The following FBXO21 variants were observed in gnomAD, a reference collection of about 807,000 sequenced individuals.
The protein encoded by FBXO21 is F-box protein 21, also known as F-box only protein 21.
A neutral mutation model predicts 76.6 loss-of-function variants in FBXO21; 32 were observed. The ratio of observed to expected loss-of-function variants is 0.42; its 90% CI spans 0.32 to 0.56. The LOEUF (loss-of-function observed/expected upper bound fraction) is 0.56. FBXO21 is among the 20% of genes least tolerant of loss of function. The pLI, the probability that FBXO21 is intolerant of heterozygous loss-of-function variation, is 0.16. For synonymous variants in FBXO21, 328 were observed against 311.5 expected, an observed-to-expected ratio of 1.05 and a Z score of -0.56; for missense variants, 586 against 797.3, an observed-to-expected ratio of 0.73 and a Z score of 3.19.
intron 7 of FBXO21, 32 bp downstream of exon 7, chr12:117,172,438 CA>C: frequency 6.2e-7 from 1 of 1,600,236 alleles, no homozygotes; most frequent in Non-Finnish European, 8.5e-7. Context: ...ACCAAATCTT[CA>C]GGACCACAGA....
rs752431409 is a variant in FBXO21, at chr12:117,190,250, G to A, written c.207C>T (p.Ser69=). Residue 69 remains serine (S), a synonymous_variant, in exon 1 of 12, where the codon AGC becomes AGT. Coordinates refer to ENST00000622495, the MANE Select transcript of FBXO21 (RefSeq NM_015002.3). ...GGAACTGCTCCTTCCACACCTTCCC[G>A]CTGCTCTGGCACAGCTCGCGCAGCC... ...CRRLRELCQS[S]GKVWKEQFRV... The A allele has an allele frequency of 3.2e-6, 5 of 1,541,962 alleles. No homozygotes were observed. Among genetic ancestry groups the A allele is most frequent in the Non-Finnish European group, 2.6e-6 (3 of 1,154,394 alleles).
Position 117,142,735 on chromosome 12 carries a change from T to C in FBXO21, c.*3352A>G, listed in dbSNP as rs143937326. 1.3e-5 allele frequency: 2 copies of C among 148,806 alleles called. No individual in the cohort carries two copies. The highest frequency in any genetic ancestry group is 5.0e-5 in the African/African-American group (2 of 40,324). 9.2% of individuals were successfully genotyped at this position (148,806 alleles called of 1,614,324 possible). A position where few individuals can be genotyped will look rare whatever the true frequency, so the allele number is the denominator to read the frequency against. Reference sequence around the variant, plus strand: ...ACGAAGAGCTGCATCTTGATCATCATGGACAGATACTTTTCAGTTAAAAAG... The same window carrying C: ...ACGAAGAGCTGCATCTTGATCATCACGGACAGATACTTTTCAGTTAAAAAG... On this transcript the variant is annotated 3_prime_UTR_variant, in exon 12 of 12. Transcript: ENST00000622495.
At chr12:117,189,022 A>G in intron 2 of FBXO21, 1 of 615,044 alleles carries the variant, frequency 1.6e-6, no homozygotes, top group Non-Finnish European at 2.8e-6. Context: ...TGGCTTTAGA[A>G]AAGTAAAGCT....
rs1955735060 is a variant in FBXO21 at position 117,143,340 on chromosome 12, A to G, written c.*2747T>C. The G allele has an allele frequency of 6.6e-6, 1 of 152,158 alleles. No homozygotes were observed. Among genetic ancestry groups the G allele is most frequent in the Non-Finnish European group, 1.5e-5 (1 of 68,044 alleles). The allele number at this position is 152,158 out of a possible 1,614,324, so 9.4% of individuals were successfully genotyped here. On this transcript the variant is annotated 3_prime_UTR_variant, in exon 12 of 12. Coordinates refer to ENST00000622495, the MANE Select transcript of FBXO21 (RefSeq NM_015002.3). The stretch of plus-strand genomic sequence containing the variant: ...ATTGAGAAACACCACCATAGAGTCA[A>G]TTGACTTTGTTTAACCTATAACCTT...
At chr12:117,189,195 C>T (rs1469731034) in intron 2 of FBXO21, 32 bp downstream of exon 2, 1 of 1,614,018 alleles carries the variant, frequency 6.2e-7, no homozygotes, top group East Asian at 2.2e-5. Flanking sequence ...ACCAGCAAGC[C>T]AAAGCTTAGA....
intron 11 of FBXO21, among the ~76,000 whole-genome samples, chr12:117,149,251 T>C (rs149498330): frequency 1.3e-5 from 2 of 152,288 alleles, no homozygotes; most frequent in East Asian, 3.9e-4. Context: ...CCTCCTGTCT[T>C]GGCCTCCCAA....
chr12:117,180,280 G>A (rs1956215028), intron 3 of FBXO21, among the ~76,000 whole-genome samples: 1 of 152,292 alleles, frequency 6.6e-6, no homozygotes, highest in Non-Finnish European at 1.5e-5. Flanking sequence ...AATTCCACTA[G>A]GTTGGTTATT....
intron 1 of FBXO21, among the ~76,000 whole-genome samples, chr12:117,189,897 G>A (rs972710528): frequency 4.6e-5 from 7 of 152,180 alleles, no homozygotes; most frequent in African/African-American, 1.7e-4. Flanking sequence ...TGCATCACTG[G>A]GTCCATGTAA....
At chr12:117,174,956 G>T (rs1209461609) in intron 4 of FBXO21, among the ~76,000 whole-genome samples, 159 bp from the exon 5 acceptor site, 1 of 151,590 alleles carries the variant, frequency 6.6e-6, no homozygotes, top group Non-Finnish European at 1.5e-5. Flanking sequence ...ACACTGAGAA[G>T]GAGCAACAAA....
intron 5 of FBXO21, 134 bp downstream of exon 5, chr12:117,174,517 C>T: frequency 8.2e-7 from 1 of 1,224,470 alleles, no homozygotes; most frequent in Admixed American, 2.2e-5. Flanking sequence ...ACACTTCAAC[C>T]AGGTAAACAC....
At chr12:117,147,722 C>T (rs960851798) in intron 11 of FBXO21, among the ~76,000 whole-genome samples, 20 of 152,142 alleles carry the variant, frequency 1.3e-4, no homozygotes, top group Non-Finnish European at 1.9e-4. Flanking sequence ...GTGCTTTGTG[C>T]GCCCTTCTTT....
At chr12:117,165,059 T>C (rs1956036381) in intron 9 of FBXO21, among the ~76,000 whole-genome samples, 1 of 151,970 alleles carries the variant, frequency 6.6e-6, no homozygotes, top group Non-Finnish European at 1.5e-5. Flanking sequence ...GTCCAGTGGC[T>C]GGACTTGAAC....
chr12:117,158,722 A>T (rs145874970), intron 9 of FBXO21, among the ~76,000 whole-genome samples: 1 of 152,310 alleles, frequency 6.6e-6, no homozygotes, highest in African/African-American at 2.4e-5. Flanking sequence ...TTAACTCATC[A>T]TGGTATTTGG....
intron 8 of FBXO21, 140 bp downstream of exon 8, chr12:117,166,758 T>C: frequency 1.6e-6 from 1 of 632,564 alleles, no homozygotes; most frequent in African/African-American, 1.8e-5. Context: ...CTGAAGAATG[T>C]TTCCAGTACT....
chr12:117,152,989 C>T (rs1461985691), intron 11 of FBXO21, among the ~76,000 whole-genome samples: 2 of 152,048 alleles, frequency 1.3e-5, no homozygotes, highest in African/African-American at 4.8e-5. Context: ...GCGTGGGAAC[C>T]GTGCTGGGGC....
In FBXO21 at chr12:117,184,481, C is replaced by T. The variant is rs529593919; in HGVS notation, c.470+1996G>A. Reference sequence around the variant, plus strand: ...ATAGGAAAATTATGTAGGCTAGGCACGGTGGCTCACGCCCATAATCTCAGC... The same window carrying T: ...ATAGGAAAATTATGTAGGCTAGGCATGGTGGCTCACGCCCATAATCTCAGC... On this transcript the variant is annotated intron_variant, in intron 3 of 11. Transcript: ENST00000622495. Among the ~76,000 whole-genome samples, 24 of 152,290 alleles carry T rather than the reference C, an allele frequency of 1.6e-4. 2 individuals are homozygous for T. The highest frequency in any genetic ancestry group is 5.5e-4 in the African/African-American group (23 of 41,562).
rs149368647 is a variant in FBXO21, at chr12:117,167,076, C to T, written c.1015G>A (p.Ala339Thr). 8.7e-6 allele frequency: 14 copies of T among 1,613,294 alleles called. No homozygotes were observed. Among genetic ancestry groups the T allele is most frequent in the Non-Finnish European group, 1.2e-5 (14 of 1,179,820 alleles). Reference sequence around the variant, plus strand: ...ATGTAGTCAAAGATGTCCAGGGTCGCCCTATCCAAAGAGCCAAATATCAGA... The same window carrying T: ...ATGTAGTCAAAGATGTCCAGGGTCGTCCTATCCAAAGAGCCAAATATCAGA... ...LLRWCQGAEG[A>T]TLDIFDYIYI... The change falls in exon 8 of 12, where the codon GCG becomes ACG. Residue 339 changes from alanine (A) to threonine (T), a missense_variant and splice_region_variant. Around this residue, in one of 6 missense-constraint regions of FBXO21, gnomAD observed 246 missense variants for 356.8 expected, o/e 0.69. Transcript: ENST00000622495.
chr12:117,157,824 C>T (rs751494674), intron 10 of FBXO21, 49 bp downstream of exon 10: 17 of 1,503,262 alleles, frequency 1.1e-5, no homozygotes, highest in Non-Finnish European at 1.4e-5. Flanking sequence ...TGTGTCTCTG[C>T]AGCCCCTCTG....
rs1592902996 is a variant in FBXO21 at position 117,190,397 on chromosome 12, G to T, written c.60C>A (p.Ala20=). 1 of 1,495,674 alleles carries T rather than the reference G, an allele frequency of 6.7e-7. No homozygotes were observed. Among genetic ancestry groups the T allele is most frequent in the Non-Finnish European group, 8.8e-7 (1 of 1,130,020 alleles). The allele number at this position is 1,495,674 out of a possible 1,614,324, so 92.7% of individuals were successfully genotyped here. A position where few individuals can be genotyped will look rare whatever the true frequency, so the allele number is the denominator to read the frequency against. Residue 20 remains alanine, a synonymous_variant, in exon 1 of 12, where the codon GCC becomes GCA. Coordinates refer to ENST00000622495, the MANE Select transcript of FBXO21 (RefSeq NM_015002.3). ...MEVVPALAEE[A]APEVAGLSCL... ...AGCTGAGGCCCGCTACCTCCGGCGC[G>T]GCCTCCTCCGCCAGCGCCGGCACCA...
Sources: allele counts gnomAD v4.1 joint callset (sites outside exome capture counted in the v4.1 genomes callset), GRCh38; gene constraint gnomAD v4.1.1; regional missense constraint gnomAD v4.1.1; transcripts MANE v1.5; gene names NCBI Gene and HGNC (gene_info 2026-07-23, HGNC 2026-07-21).